SEPTIN6: variants seen among roughly 807,000 people sequenced by gnomAD.
The protein encoded by SEPTIN6 is septin-6.
SEPTIN6 carries 8 observed loss-of-function variants against 33.6 expected under a neutral mutation model. The ratio of observed to expected loss-of-function variants is 0.24; its 90% CI spans 0.14 to 0.43. SEPTIN6 has a LOEUF of 0.43. Among genes scored for constraint, SEPTIN6 ranks in the 20% least tolerant of loss-of-function variants. The probability of loss-of-function intolerance (pLI) is 1.00; values close to 1 mark genes in which losing one functional copy is unlikely to be tolerated. For missense variants in SEPTIN6, 250 were observed against 340.8 expected (o/e 0.73, Z 2.10); for synonymous variants, 131 against 140.0 (o/e 0.94, Z 0.45).
At chrX:119,687,625 T>C (rs1045810176) in intron 1 of SEPTIN6, among the ~76,000 whole-genome samples, 8 of 112,030 alleles carry the variant, frequency 7.1e-5, no homozygotes, top group African/African-American at 2.6e-4. Context: ...TATTAAACCA[T>C]GGCTCTGATC....
At chrX:119,616,424 T>C, downstream of SEPTIN6, 2 of 434,431 alleles carry the variant, frequency 4.6e-6, no homozygotes, top group Admixed American at 5.7e-5. Flanking sequence ...TACACTTGGG[T>C]GAGTGGTCCT....
Position 119,636,989 on chromosome X carries a change from AGCTGG to A in SEPTIN6, c.956+33_956+37del, listed in dbSNP as rs750144306. 3.2e-5 allele frequency: 38 copies of A among 1,188,236 alleles called. No individual in the cohort carries two copies. The East Asian group carries it at 4.8e-4, about 15-fold the overall frequency. On this transcript the variant is annotated intron_variant, in intron 7 of 10. Transcript: ENST00000394610. ...CACACCACCTGAGTGGGCTGAGCTG[AGCTGG>A]GCTGGGCTGGGCTGGGCTGGCAGGA...
At position 119,617,026 on chromosome X, in the gene SEPTIN6, A is replaced by G; in HGVS notation, c.*3067T>C. 1.0e-6 allele frequency: 1 copy of G among 957,142 alleles called. No individual in the cohort carries two copies. 78.9% of individuals were successfully genotyped at this position (957,142 alleles called of 1,213,427 possible). On this transcript the variant is annotated 3_prime_UTR_variant, in exon 11 of 11. Coordinates refer to ENST00000394610, the MANE Select transcript of SEPTIN6 (RefSeq NM_145799.4). ...GCCAAATGATTAAAACAAAAAAACA[A>G]AAACAAGAGCCATCTACACTGCAGC...
At chrX:119,652,827 C>G in intron 4 of SEPTIN6, 27 bp downstream of exon 4, 1 of 1,186,792 alleles carries the variant, frequency 8.4e-7, no homozygotes, top group South Asian at 1.8e-5. Flanking sequence ...AGTGAGCCCC[C>G]AGCGCCCCCG....
At chrX:119,646,203 A>G (rs2054254958) in intron 5 of SEPTIN6, among the ~76,000 whole-genome samples, 2 of 111,399 alleles carry the variant, frequency 1.8e-5, no homozygotes, top group African/African-American at 6.5e-5. Flanking sequence ...CAAGTCAACC[A>G]CTGGTGATTC....
At chrX:119,644,407 TCAAA>T (rs2054208079) in intron 5 of SEPTIN6, among the ~76,000 whole-genome samples, 2 of 96,543 alleles carry the variant, frequency 2.1e-5, no homozygotes, top group South Asian at 5.0e-4. Context: ...AGAAATTTAT[TCAAA>T]AAAAAAAAAT....
At position 119,617,199 on chromosome X, in the gene SEPTIN6, A is replaced by G. The variant is rs1603315327; in HGVS notation, c.*2894T>C. On this transcript the variant is annotated 3_prime_UTR_variant, in exon 11 of 11. Transcript: ENST00000394610. ...GAAAATAAAAGCACAGACCATTTCT[A>G]ATGACTGGTTTTGTTTCACCAGAAG... The G allele has an allele frequency of 1.2e-6, 1 of 810,069 alleles. No homozygotes were observed. Among genetic ancestry groups the G allele is most frequent in the African/African-American group, 2.2e-5 (1 of 44,774 alleles). 66.8% of individuals were successfully genotyped at this position (810,069 alleles called of 1,213,427 possible).
rs60920941 is a variant in SEPTIN6, at chrX:119,622,053, C to CAA, written c.*42-2004_*42-2003dup. Among the ~76,000 whole-genome samples the CAA allele has an allele frequency of 5.1e-3, 541 of 106,777 alleles. 5 individuals are homozygous for CAA. The highest frequency in any genetic ancestry group is 0.024 in the Middle Eastern group (5 of 208). 92.7% of individuals were successfully genotyped at this position (106,777 alleles called of 115,157 possible). A position where few individuals can be genotyped will look rare whatever the true frequency, so the allele number is the denominator to read the frequency against. On this transcript the variant is annotated intron_variant, in intron 10 of 10. Coordinates refer to ENST00000394610, the MANE Select transcript of SEPTIN6 (RefSeq NM_145799.4). ...AAAAACAAAAACAAAACAACAACAA[C>CAA]AAAAAAAAACACTTTGGAAAGTAAT...
intron 1 of SEPTIN6, among the ~76,000 whole-genome samples, chrX:119,678,887 G>T (rs1463710814): frequency 9.0e-6 from 1 of 111,551 alleles, no homozygotes; most frequent in African/African-American, 3.3e-5. Context: ...GAGAGGAAAT[G>T]AATTTTCAAA....
At chrX:119,631,182 C>CTTT (rs1045034639) in intron 8 of SEPTIN6, among the ~76,000 whole-genome samples, 1 of 94,976 alleles carries the variant, frequency 1.1e-5, no homozygotes, top group Non-Finnish European at 2.1e-5. Context: ...TTTTTCTTTT[C>CTTT]TTTTTTTTTT....
At chrX:119,663,460 C>T in intron 3 of SEPTIN6, 22 bp downstream of exon 3, 2 of 899,290 alleles carry the variant, frequency 2.2e-6, no homozygotes, top group Non-Finnish European at 3.2e-6. Context: ...CCCACCCTAC[C>T]CCACCCCACC....
intron 1 of SEPTIN6, among the ~76,000 whole-genome samples, chrX:119,676,461 T>C (rs2054842744): frequency 1.3e-5 from 1 of 79,549 alleles, no homozygotes; most frequent in Admixed American, 1.2e-4. Flanking sequence ...CGAAACTCTG[T>C]CTCAAAAAAA....
In SEPTIN6 at chrX:119,621,446, GGTGTGT is replaced by G. The variant is rs34517524; in HGVS notation, c.*42-1401_*42-1396del. 4.0e-3 allele frequency among the ~76,000 whole-genome samples: 257 copies of G among 63,469 alleles called. 2 individuals are homozygous for G. Among genetic ancestry groups the G allele is most frequent in the Middle Eastern group, 0.011 (1 of 92 alleles). The allele number at this position is 63,469 out of a possible 115,157, so 55.1% of individuals were successfully genotyped here. ...AAGAGTCACAGCTGGGCCCAGAGCT[GGTGTGT>G]GTGTGTGTGTGTGTGTGTGTGTGTG... On this transcript the variant is annotated intron_variant, in intron 10 of 10. Transcript: ENST00000394610.
Position 119,660,532 on chromosome X carries a change from C to T in SEPTIN6, c.341+2950G>A, listed in dbSNP as rs4825660. ...CTCTGAGGCGCAGTATCTGTTCAGT[C>T]CTCCCAAGCCATTATTATCAAGGCA... is the stretch of plus-strand genomic sequence containing the variant. On this transcript the variant is annotated intron_variant, in intron 3 of 10. Transcript: ENST00000394610. 7.1e-3 allele frequency among the ~76,000 whole-genome samples: 792 copies of T among 111,850 alleles called. 3 individuals carry two copies. Among genetic ancestry groups the T allele is most frequent in the Non-Finnish European group, 0.013 (672 of 53,189 alleles).
Position 119,673,669 on chromosome X carries a change from T to A in SEPTIN6, c.145+1885A>T, listed in dbSNP as rs368274745. Among the ~76,000 whole-genome samples, 14 of 108,608 alleles carry A rather than the reference T, an allele frequency of 1.3e-4. 1 individual carries two copies. The South Asian group carries it at 5.5e-3, about 43-fold the overall frequency. 94.3% of individuals were successfully genotyped at this position (108,608 alleles called of 115,157 possible). On this transcript the variant is annotated intron_variant, in intron 2 of 10. Transcript: ENST00000394610. ...ATCACTTGAGGTCAGGAATTGAAACTCCGTCTCTACTAAAAATACAGAAAT... is the reference window on the plus strand; with the variant it reads ...ATCACTTGAGGTCAGGAATTGAAACACCGTCTCTACTAAAAATACAGAAAT...
intron 2 of SEPTIN6, among the ~76,000 whole-genome samples, chrX:119,672,891 G>A (rs965610396): frequency 3.6e-5 from 4 of 111,784 alleles, no homozygotes; most frequent in African/African-American, 1.3e-4. Context: ...TAAGGCCCTC[G>A]ATGTGTAATT....
intron 3 of SEPTIN6, among the ~76,000 whole-genome samples, chrX:119,656,625 C>T (rs1485490476): frequency 8.9e-6 from 1 of 112,719 alleles, no homozygotes; most frequent in African/African-American, 3.2e-5. Flanking sequence ...CAGTGGCTCA[C>T]GCCTGTAATC....
intron 3 of SEPTIN6, among the ~76,000 whole-genome samples, chrX:119,658,165 A>G (rs1252345961): frequency 8.9e-6 from 1 of 112,151 alleles, no homozygotes; most frequent in African/African-American, 3.2e-5. Context: ...CCTTCCTCAC[A>G]GATAACCTCT....
chrX:119,660,903 G>A (rs899900582), intron 3 of SEPTIN6, among the ~76,000 whole-genome samples: 1 of 106,743 alleles, frequency 9.4e-6, no homozygotes, highest in Admixed American at 1.0e-4. Context: ...TTAGCAGGGT[G>A]TGGTGGTGCG....
Sources: allele counts gnomAD v4.1 joint callset (sites outside exome capture counted in the v4.1 genomes callset), GRCh38; gene constraint gnomAD v4.1.1; transcripts MANE v1.5; gene names NCBI Gene and HGNC (gene_info 2026-07-23, HGNC 2026-07-21).